The following KDM2B variants were observed in gnomAD, a reference collection of about 807,000 sequenced individuals.
KDM2B encodes lysine demethylase 2B, also known as lysine-specific demethylase 2B.
In KDM2B, 26 loss-of-function variants were observed where a neutral mutation model predicts 150.0. The observed-to-expected ratio is 0.17, with a 90% CI of 0.13 to 0.24. The LOEUF (loss-of-function observed/expected upper bound fraction) is 0.24, where lower values mean the gene tolerates loss of function less well. Among genes scored for constraint, KDM2B ranks in the 10% least tolerant of loss-of-function variants. The pLI, the probability that KDM2B is intolerant of heterozygous loss-of-function variation, is 1.00. For synonymous variants in KDM2B, 734 were observed against 729.5 expected, an observed-to-expected ratio of 1.01 and a Z score of -0.10; for missense variants, 1,265 against 1,816.9, an observed-to-expected ratio of 0.70 and a Z score of 5.52.
At chr12:121,572,737 C>T (rs1029457076) in intron 4 of KDM2B, among the ~76,000 whole-genome samples, 9 of 151,876 alleles carry the variant, frequency 5.9e-5, no homozygotes, top group South Asian at 2.1e-4. Flanking sequence ...GGCCTGCGGG[C>T]GTGAACTCCT....
At chr12:121,579,988 GGAA>G in intron 1 of KDM2B, 2 of 1,324,644 alleles carry the variant, frequency 1.5e-6, no homozygotes, top group African/African-American at 1.7e-5. Context: ...ATACAGATTT[GGAA>G]AAAAAAAAAA....
chr12:121,433,902 G>A (rs536565904), intron 22 of KDM2B, among the ~76,000 whole-genome samples: 11 of 152,100 alleles, frequency 7.2e-5, no homozygotes, highest in East Asian at 1.9e-4. Context: ...TACATAGGCC[G>A]GGCGCGACTG....
In KDM2B at chr12:121,445,328, T is replaced by G. The variant is rs1875957398; in HGVS notation, c.2050A>C (p.Met684Leu). The G allele has an allele frequency of 6.2e-7, 1 of 1,613,816 alleles. No homozygotes were observed. The highest frequency in any genetic ancestry group is 1.7e-5 in the Admixed American group (1 of 59,976). Residue 684 changes from methionine to leucine, a missense_variant, in exon 14 of 23, where the codon ATG becomes CTG. By Grantham distance (15) the Met-to-Leu change is conservative (BLOSUM62 2). This residue lies in a region of KDM2B where 30 missense variants were observed against 32.0 expected (regional missense o/e 0.94). Transcript: ENST00000377071. ...TTGCAGATGGAGCACTCCATGAGCA[T>G]GAGGTTAAACTTGCCTTCCTCCTCT... Reference protein sequence around the residue: ...VEEEEGKFNLMLMECSICNEI... With the variant: ...VEEEEGKFNLLLMECSICNEI...
At chr12:121,579,689 C>A in intron 1 of KDM2B, 2 of 1,409,222 alleles carry the variant, frequency 1.4e-6, no homozygotes, top group Non-Finnish European at 1.9e-6. Flanking sequence ...TCCCCGCATC[C>A]CCCTGCCTCC....
chr12:121,514,419 G>A (rs868975626), intron 9 of KDM2B, among the ~76,000 whole-genome samples: 1 of 151,910 alleles, frequency 6.6e-6, no homozygotes, highest in East Asian at 1.9e-4. Flanking sequence ...GATTCCACGG[G>A]GGGCAGTTCA....
the KDM2B span, among the ~76,000 whole-genome samples, chr12:121,410,872 T>C: frequency 1.3e-5 from 2 of 152,200 alleles, no homozygotes; most frequent in Admixed American, 1.3e-4. Context: ...GTGTCTGAGT[T>C]GTACTGAATA....
the KDM2B span, among the ~76,000 whole-genome samples, chr12:121,408,978 C>CTT: frequency 1.4e-5 from 2 of 146,542 alleles, no homozygotes; most frequent in Admixed American, 6.9e-5. Flanking sequence ...GTGACCCTTT[C>CTT]TTTTTTTTTT....
rs1555308122 is a variant in KDM2B at position 121,533,158 on chromosome 12, T to C, written c.778-199A>G. 6.6e-6 allele frequency among the ~76,000 whole-genome samples: 1 copy of C among 152,186 alleles called. No homozygotes were observed. Among genetic ancestry groups the C allele is most frequent in the African/African-American group, 2.4e-5 (1 of 41,448 alleles). ...GAGCCTCTGGGGAGGCAGGAAGGGC[T>C]GTGCCCACCTTCAGGGAACCTCCAT... On this transcript the variant is annotated intron_variant, in intron 7 of 22. Transcript: ENST00000377071. This position sits in a 1 kb window ranked among gnomAD's most constrained non-coding sequence, Gnocchi z 4.1.
chr12:121,528,039 T>C (rs1456320613), intron 8 of KDM2B, among the ~76,000 whole-genome samples: 5 of 152,196 alleles, frequency 3.3e-5, no homozygotes, highest in Admixed American at 1.3e-4. Context: ...ATTATAAGGC[T>C]AACACCTGGT....
At chr12:121,560,582 T>C (rs1262463268) in intron 4 of KDM2B, among the ~76,000 whole-genome samples, 1 of 151,890 alleles carries the variant, frequency 6.6e-6, no homozygotes, top group African/African-American at 2.4e-5. Context: ...AGGCACTGAG[T>C]TTCAGTTCCT....
intron 22 of KDM2B, among the ~76,000 whole-genome samples, chr12:121,431,748 C>CA (rs1873061806): frequency 1.3e-5 from 2 of 152,112 alleles, no homozygotes; most frequent in African/African-American, 2.4e-5. Context: ...GAACCTGGAG[C>CA]AGTGGTGCTG....
chr12:121,421,093 A>C, the KDM2B span, among the ~76,000 whole-genome samples: 1 of 152,074 alleles, frequency 6.6e-6, no homozygotes, highest in African/African-American at 2.4e-5. Context: ...TTATTTTCTC[A>C]CTAATGCCTT....
intron 12 of KDM2B, among the ~76,000 whole-genome samples, chr12:121,457,751 C>T (rs568952790): frequency 4.3e-4 from 64 of 148,890 alleles, no homozygotes; most frequent in Admixed American, 3.1e-3. Context: ...CACACACACA[C>T]ACACACACAC....
rs79231817 is a variant in KDM2B, at chr12:121,541,812, T to C, written c.683+7065A>G. Among the ~76,000 whole-genome samples, 21 of 152,126 alleles carry C rather than the reference T, an allele frequency of 1.4e-4. No individual in the cohort carries two copies. In the East Asian group the frequency reaches 3.9e-3, roughly 28 times the overall value. On this transcript the variant is annotated intron_variant, in intron 6 of 22. Coordinates refer to ENST00000377071, the MANE Select transcript of KDM2B (RefSeq NM_032590.5). ...CATATCTTCATTCCACCAAGAAACT[T>C]GATCTCTACAAACCTGTATTCTACA...
chr12:121,444,875 T>C (rs1382971036), intron 14 of KDM2B: 3 of 446,244 alleles, frequency 6.7e-6, no homozygotes, highest in African/African-American at 5.9e-5. Context: ...GCGCCTGGCA[T>C]GCAGAAAGGA....
intron 17 of KDM2B, 29 bp from the exon 18 acceptor site, chr12:121,443,059 T>C: frequency 6.2e-7 from 1 of 1,600,236 alleles, no homozygotes; most frequent in South Asian, 1.1e-5. Context: ...GACGCAGAGC[T>C]TGCTCCCCGG....
At chr12:121,517,040 G>A (rs544054413) in intron 9 of KDM2B, among the ~76,000 whole-genome samples, 1 of 152,026 alleles carries the variant, frequency 6.6e-6, no homozygotes, top group East Asian at 1.9e-4. Context: ...CACTGGGAGG[G>A]GGGGAAAGAT....
At chr12:121,490,569 C>T (rs75264043) in intron 12 of KDM2B, among the ~76,000 whole-genome samples, 11,280 of 152,228 alleles carry the variant, frequency 0.074, 606 homozygotes, top group Middle Eastern at 0.17. Context: ...CTAATAAGGC[C>T]GAGGTCAGAG....
chr12:121,542,382 C>T (rs1555309885), intron 6 of KDM2B, among the ~76,000 whole-genome samples: 3 of 152,154 alleles, frequency 2.0e-5, no homozygotes, highest in African/African-American at 7.2e-5. Flanking sequence ...TGGGCTCAAG[C>T]ACTCCACCCC....
Sources: gnomAD v4.1 joint callset for allele counts (sites outside exome capture counted in the v4.1 genomes callset) on GRCh38, gnomAD v4.1.1 for gene constraint, gnomAD v4.1.1 regional missense constraint, Gnocchi (gnomAD v3.1) non-coding constraint, MANE v1.5 for transcripts, NCBI Gene and HGNC (gene_info 2026-07-23, HGNC 2026-07-21) for gene names.